The following ZIM2 variants were observed in gnomAD, a reference collection of about 807,000 sequenced individuals.
ZIM2 encodes zinc finger imprinted 2.
ZIM2 carries 14 observed loss-of-function variants against 38.6 expected under a neutral mutation model. That is an observed-to-expected ratio of 0.36 (90% confidence interval 0.24 to 0.57). The LOEUF (loss-of-function observed/expected upper bound fraction) is 0.57, where lower values mean the gene tolerates loss of function less well. Ranked by LOEUF, ZIM2 falls within the 20% of genes least tolerant of loss-of-function variation. ZIM2 has a pLI of 0.81. For missense variants in ZIM2, 680 were observed against 695.1 expected (o/e 0.98, Z 0.24); for synonymous variants, 247 against 245.8 (o/e 1.00, Z -0.04).
chr19:56,828,985 T>C (rs186247365), intron 2 of ZIM2, among the ~76,000 whole-genome samples: 17 of 152,132 alleles, frequency 1.1e-4, no homozygotes, highest in African/African-American at 4.1e-4. Flanking sequence ...CTACTTCTTT[T>C]GAACCAGCAA....
At chr19:56,816,163 T>A in intron 9 of ZIM2, 1 of 1,614,054 alleles carries the variant, frequency 6.2e-7, no homozygotes. Context: ...GGGAATCTTC[T>A]GGTTTTCATA....
chr19:56,781,759 T>C (rs189691315), intron 11 of ZIM2, among the ~76,000 whole-genome samples, 194 bp downstream of exon 11: 176 of 152,302 alleles, frequency 1.2e-3, no homozygotes, highest in Non-Finnish European at 1.6e-3. Context: ...CTGACACATA[T>C]GTCGTGCTCA....
At position 56,824,158 on chromosome 19, in the gene ZIM2, C is replaced by T. The variant is rs148097386; in HGVS notation, c.16+104G>A. ...AGGACATCCCCACCGCTGCCCAGGA[C>T]AGAGAGTTATCCAGTCCAGACCATG... On this transcript the variant is annotated intron_variant, in intron 4 of 12. Transcript: ENST00000629319. The T allele has an allele frequency of 5.1e-4, 774 of 1,516,160 alleles. 2 individuals carry two copies. In the African/African-American group the frequency reaches 7.5e-3, roughly 15 times the overall value. 93.9% of individuals were successfully genotyped at this position (1,516,160 alleles called of 1,614,324 possible).
intron 9 of ZIM2, chr19:56,799,128 A>C (rs1217958384): frequency 1.3e-5 from 2 of 152,218 alleles, no homozygotes; most frequent in African/African-American, 2.4e-5. Context: ...ACCCAGAGGA[A>C]TATAAATCAT....
At position 56,817,789 on chromosome 19, in the gene ZIM2, G is replaced by A; in HGVS notation, c.447C>T (p.His149=). 6.2e-7 allele frequency: 1 copy of A among 1,614,108 alleles called. No individual in the cohort carries two copies. Among genetic ancestry groups the A allele is most frequent in the East Asian group, 2.2e-5 (1 of 44,870 alleles). Residue 149 remains histidine, a synonymous_variant, in exon 9 of 13, where the codon CAC becomes CAT. Transcript: ENST00000629319. ...AGGCACTTCTCTTGGATCTTGATGA[G>A]TGGCCCTGCGTCATGTGGGAGTGGC... ...DDGHSHMTQG[H]SSRSKRSAYP... is the part of the protein sequence containing the mutation.
intron 10 of ZIM2, among the ~76,000 whole-genome samples, chr19:56,785,873 T>C (rs200427977): frequency 3.9e-5 from 6 of 152,184 alleles, no homozygotes; most frequent in Non-Finnish European, 7.3e-5. Context: ...AACAGCTTTA[T>C]TGAGATTTAA....
intron 9 of ZIM2, chr19:56,799,008 T>G (rs772693943): frequency 6.6e-6 from 1 of 152,114 alleles, no homozygotes; most frequent in Non-Finnish European, 1.5e-5. Context: ...CTTTTATACG[T>G]TGGTTGGAGT....
intron 7 of ZIM2, among the ~76,000 whole-genome samples, chr19:56,820,138 C>T (rs1027418972): frequency 6.6e-6 from 1 of 152,196 alleles, no homozygotes; most frequent in Non-Finnish European, 1.5e-5. Context: ...CATCTTAATG[C>T]ATACAAACTG....
rs559976556 is a variant in ZIM2 at position 56,816,213 on chromosome 19, A to G, written c.490+1533T>C. The G allele has an allele frequency of 1.7e-5, 27 of 1,614,086 alleles. 1 individual carries two copies. In the East Asian group the frequency reaches 4.2e-4, roughly 25 times the overall value. Reference sequence around the variant, plus strand: ...TGGTGAACGCCTTTTCGTCCTCATCACTTTCAAGAGGTCTTGTTATAGTAT... The same window carrying G: ...TGGTGAACGCCTTTTCGTCCTCATCGCTTTCAAGAGGTCTTGTTATAGTAT... On this transcript the variant is annotated intron_variant, in intron 9 of 12. Transcript: ENST00000629319.
At chr19:56,821,558 G>T (rs549583937) in intron 7 of ZIM2, 93 bp downstream of exon 7, 1 of 1,488,014 alleles carries the variant, frequency 6.7e-7, no homozygotes. Flanking sequence ...CTGGACTCTA[G>T]GGGGCAGATA....
In ZIM2 at chr19:56,816,471, G is replaced by C. The variant is rs1454718761; in HGVS notation, c.490+1275C>G. 3.1e-6 allele frequency: 5 copies of C among 1,613,352 alleles called. No homozygotes were observed. Among genetic ancestry groups the C allele is most frequent in the African/African-American group, 1.3e-5 (1 of 74,814 alleles). On this transcript the variant is annotated intron_variant, in intron 9 of 12. Coordinates refer to ENST00000629319, the MANE Select transcript of ZIM2 (RefSeq NM_001387356.1). ...AGGTTTCCTCACACACTTTACCCTTGTTTTCAAATGGGTTCCCTCTAGTAT... is the reference window on the plus strand; with the variant it reads ...AGGTTTCCTCACACACTTTACCCTTCTTTTCAAATGGGTTCCCTCTAGTAT...
intron 1 of ZIM2, among the ~76,000 whole-genome samples, chr19:56,836,862 G>T (rs1166366981): frequency 6.6e-6 from 1 of 150,902 alleles, no homozygotes; most frequent in East Asian, 2.0e-4. Context: ...CAGCTACTCT[G>T]AAGAGGCTGG....
At chr19:56,775,677 T>C (rs1162911091) in intron 12 of ZIM2, 148 bp from the exon 13 acceptor site, 2 of 1,378,358 alleles carry the variant, frequency 1.5e-6, no homozygotes, top group Non-Finnish European at 1.9e-6. Context: ...AAGTAAAAAT[T>C]CCTCTATTCT....
chr19:56,839,358 C>A (rs1295634352), intron 1 of ZIM2, among the ~76,000 whole-genome samples: 1 of 150,932 alleles, frequency 6.6e-6, no homozygotes, highest in Non-Finnish European at 1.5e-5. Context: ...CTGCTACCAA[C>A]CAACCAGGGC....
chr19:56,782,195 G>A (rs1481537043), intron 10 of ZIM2, 74 bp from the exon 11 acceptor site: 1 of 1,553,232 alleles, frequency 6.4e-7, no homozygotes, highest in African/African-American at 1.4e-5. Flanking sequence ...CCAGCAGAGA[G>A]CTTCCACGTG....
chr19:56,823,636 C>T lies in ZIM2; in HGVS notation c.60G>A (p.Arg20=), dbSNP rs2060719507. 6.2e-7 allele frequency: 1 copy of T among 1,614,144 alleles called. No homozygotes were observed. Among genetic ancestry groups the T allele is most frequent in the African/African-American group, 1.3e-5 (1 of 75,022 alleles). The change falls in exon 5 of 13, where the codon CGG becomes CGA. Residue 20 remains arginine, a synonymous_variant. Coordinates refer to ENST00000629319, the MANE Select transcript of ZIM2 (RefSeq NM_001387356.1). ...GAGGTGGTGAGGACTCTCTTCTGTT[C>T]CGGGTCATGTCGTCGTCGCTGGTCA... The part of the protein sequence containing the change: ...SDVTSDDDMT[R]NRRESSPPHS...
chr19:56,803,385 G>A (rs1568587628), intron 9 of ZIM2, among the ~76,000 whole-genome samples: 1 of 152,210 alleles, frequency 6.6e-6, no homozygotes, highest in Non-Finnish European at 1.5e-5. Context: ...GCAGCTATCT[G>A]CAAGAGGAAC....
At chr19:56,810,679 T>C (rs1568597475) in intron 9 of ZIM2, 1 of 970,982 alleles carries the variant, frequency 1.0e-6, no homozygotes, top group African/African-American at 1.8e-5. Context: ...ATGACAACAC[T>C]ATTTTAGTTA....
At chr19:56,815,134 T>C (rs772927560) in intron 9 of ZIM2, 2 of 1,613,818 alleles carry the variant, frequency 1.2e-6, no homozygotes, top group Non-Finnish European at 1.7e-6. Flanking sequence ...GATTTTGTCA[T>C]CAGGGTCATC....
Sources: gnomAD v4.1 joint callset for allele counts (sites outside exome capture counted in the v4.1 genomes callset) on GRCh38, gnomAD v4.1.1 for gene constraint, MANE v1.5 for transcripts, NCBI Gene and HGNC (gene_info 2026-07-23, HGNC 2026-07-21) for gene names.